ZFHX3: variants seen among roughly 807,000 people sequenced by gnomAD.
The protein encoded by ZFHX3 is zinc finger homeobox protein 3.
A neutral mutation model predicts 279.1 loss-of-function variants in ZFHX3; 42 were observed. The ratio of observed to expected loss-of-function variants is 0.15; its 90% CI spans 0.12 to 0.19. The LOEUF is 0.19. ZFHX3 is among the 10% of genes least tolerant of loss of function. The pLI, the probability that ZFHX3 is intolerant of heterozygous loss-of-function variation, is 1.00. For missense variants in ZFHX3, 4,981 were observed against 4,754.0 expected (o/e 1.05, Z -1.40); for synonymous variants, 2,293 against 1,957.8 (o/e 1.17, Z -4.52).
intron 2 of ZFHX3, among the ~76,000 whole-genome samples, chr16:73,578,729 T>C (rs1017805051): frequency 2.0e-5 from 3 of 152,216 alleles, no homozygotes; most frequent in Non-Finnish European, 4.4e-5. Flanking sequence ...TATTTTTATT[T>C]TTTTTATGAA....
intron 2 of ZFHX3, among the ~76,000 whole-genome samples, chr16:73,569,958 C>A (rs577699109): frequency 2.0e-4 from 30 of 152,268 alleles, no homozygotes; most frequent in Non-Finnish European, 2.5e-4. Flanking sequence ...AGGCAGAGGG[C>A]GTGAAGTCCT....
intron 8 of ZFHX3, among the ~76,000 whole-genome samples, chr16:73,083,072 G>A (rs1597150723): frequency 6.6e-6 from 1 of 151,826 alleles, no homozygotes; most frequent in Non-Finnish European, 1.5e-5. Context: ...GCTTGGTGGC[G>A]GGTGCCTGTA....
intron 1 of ZFHX3, among the ~76,000 whole-genome samples, chr16:73,032,954 G>T (rs193154421): frequency 7.9e-5 from 12 of 152,328 alleles, no homozygotes; most frequent in African/African-American, 2.9e-4. Context: ...AGGCAGGGCT[G>T]CGGCCAGACC....
chr16:73,184,894 G>A (rs1013574249), intron 5 of ZFHX3, among the ~76,000 whole-genome samples: 7 of 152,272 alleles, frequency 4.6e-5, no homozygotes, highest in South Asian at 2.1e-4. Flanking sequence ...ATTATCTCCC[G>A]TGTGTGAAAG....
At chr16:73,549,818 T>G (rs1423774870) in intron 2 of ZFHX3, among the ~76,000 whole-genome samples, 1 of 152,034 alleles carries the variant, frequency 6.6e-6, no homozygotes, top group Non-Finnish European at 1.5e-5. Flanking sequence ...TTCTTCTTCT[T>G]TCTTTCTTTT....
At chr16:73,685,709 T>C (rs1054181379) in intron 1 of ZFHX3, among the ~76,000 whole-genome samples, 2 of 152,226 alleles carry the variant, frequency 1.3e-5, no homozygotes. Flanking sequence ...GCCTATTATG[T>C]AATAATCAAC....
At position 72,794,799 on chromosome 16, in the gene ZFHX3, T is replaced by C. The variant is rs2035841346; in HGVS notation, c.7883A>G (p.Glu2628Gly). ...LEEKASASPG[E>G]NDSGTGGEEP... ...TTCTCCTCCTGTCCCACTGTCGTTT[T>C]CGCCAGGGCTTGCACTGGCCTTTTC... The change falls in exon 9 of 10, where the codon GAA becomes GGA. Residue 2628 changes from glutamate to glycine, a missense_variant. Transcript: ENST00000268489. This position sits in a 1 kb window ranked among gnomAD's most constrained non-coding sequence, Gnocchi z 4.2. 2.5e-6 allele frequency: 4 copies of C among 1,614,226 alleles called. No homozygotes were observed. Among genetic ancestry groups the C allele is most frequent in the Non-Finnish European group, 3.4e-6 (4 of 1,180,048 alleles).
chr16:73,223,055 T>A (rs1466186742), intron 5 of ZFHX3, among the ~76,000 whole-genome samples: 1 of 152,040 alleles, frequency 6.6e-6, no homozygotes, highest in Non-Finnish European at 1.5e-5. Flanking sequence ...CTTACACCCA[T>A]CACAAAAGTT....
Position 73,865,765 on chromosome 16 carries a change from G to T in ZFHX3, c.-1608+25886C>A, listed in dbSNP as rs150935188. Among the ~76,000 whole-genome samples, 897 of 151,782 alleles carry T rather than the reference G, an allele frequency of 5.9e-3. 7 individuals are homozygous for T. The highest frequency in any genetic ancestry group is 0.021 in the African/African-American group (855 of 41,318). The stretch of plus-strand genomic sequence containing the variant: ...GAGGCCCAGGCAGGCAGATCACAAG[G>T]TCAGGAGATCAAGACCATCCTGGCT... On this transcript the variant is annotated intron_variant, in intron 1 of 17. Coordinates refer to the ZFHX3 transcript ENST00000641206.
At chr16:73,802,566 A>G (rs985654158) in intron 1 of ZFHX3, among the ~76,000 whole-genome samples, 1 of 152,198 alleles carries the variant, frequency 6.6e-6, no homozygotes, top group African/African-American at 2.4e-5. Flanking sequence ...GAAAAGAATG[A>G]GAAAGGACAG....
At chr16:73,314,167 C>T (rs1421600752) in intron 4 of ZFHX3, among the ~76,000 whole-genome samples, 1 of 152,200 alleles carries the variant, frequency 6.6e-6, no homozygotes, top group Non-Finnish European at 1.5e-5. Context: ...CTCATCTAAT[C>T]AGTGGAAGGC....
At chr16:73,216,864 G>A (rs572808181) in intron 5 of ZFHX3, among the ~76,000 whole-genome samples, 1 of 152,114 alleles carries the variant, frequency 6.6e-6, no homozygotes, top group Non-Finnish European at 1.5e-5. Context: ...TCTAATTCAG[G>A]AGTTCAGCTT....
intron 2 of ZFHX3, among the ~76,000 whole-genome samples, chr16:73,559,052 G>C (rs2020331051): frequency 6.6e-6 from 1 of 151,682 alleles, no homozygotes; most frequent in South Asian, 2.1e-4. Context: ...TTTTGTGTGT[G>C]TGTGTGTGTG....
At chr16:73,501,012 C>T (rs1356256483) in intron 2 of ZFHX3, among the ~76,000 whole-genome samples, 2 of 152,242 alleles carry the variant, frequency 1.3e-5, no homozygotes, top group African/African-American at 2.4e-5. Context: ...TGCAAGCTCC[C>T]TTTATAGTAA....
intron 1 of ZFHX3, among the ~76,000 whole-genome samples, chr16:73,861,124 T>C (rs1410459103): frequency 6.6e-6 from 1 of 151,784 alleles, no homozygotes; most frequent in African/African-American, 2.4e-5. Context: ...CCACCACACC[T>C]GGATGGTTTT....
chr16:73,001,191 C>T lies in ZFHX3; in HGVS notation c.-49-40997G>A, dbSNP rs190480467. ...CCTCTCCCTTATGGAAGCCAAGTGC[C>T]CCATTGTGAGCTGCTCTGTGGTGAG... On this transcript the variant is annotated intron_variant, in intron 1 of 9. Transcript: ENST00000268489. Among the ~76,000 whole-genome samples the T allele has an allele frequency of 3.3e-4, 50 of 152,310 alleles. No individual in the cohort carries two copies. The South Asian group carries it at 5.8e-3, about 18-fold the overall frequency.
rs1261953494 is a variant in ZFHX3, at chr16:72,794,103, C to G, written c.8579G>C (p.Gly2860Ala). The change falls in exon 9 of 10, where the codon GGA (glycine) becomes GCA (alanine). Residue 2860 changes from glycine (G) to alanine (A), a missense_variant. By Grantham distance (60) the Gly-to-Ala change is moderately conservative. Around this residue, in one of 7 missense-constraint regions of ZFHX3, gnomAD observed 744 missense variants for 701.3 expected, o/e 1.06. Transcript: ENST00000268489. The surrounding 1 kb of genome is among the most constrained non-coding windows in gnomAD (Gnocchi z 4.2). ...AGAGGATTTGGTTTCAGTTGCTATT[C>G]CCGTTGCACTGTCGTTATCTGCGTT... The part of the protein sequence containing the change: ...EGNADNDSAT[G>A]IATETKSSSA... 1.2e-6 allele frequency: 2 copies of G among 1,614,088 alleles called. No homozygotes were observed. The highest frequency in any genetic ancestry group is 1.7e-6 in the Non-Finnish European group (2 of 1,180,054).
chr16:72,835,150 G>T (rs980098223), intron 4 of ZFHX3, among the ~76,000 whole-genome samples: 1 of 152,078 alleles, frequency 6.6e-6, no homozygotes, highest in East Asian at 1.9e-4. Flanking sequence ...TCTTTGGAGG[G>T]TGGGATGTTT....
chr16:73,341,815 G>A (rs1184164276), intron 3 of ZFHX3, among the ~76,000 whole-genome samples: 2 of 152,134 alleles, frequency 1.3e-5, no homozygotes, highest in East Asian at 1.9e-4. Context: ...AAAATATAAT[G>A]CTCAAGTAAA....
Sources: allele counts gnomAD v4.1 joint callset (sites outside exome capture counted in the v4.1 genomes callset), GRCh38; gene constraint gnomAD v4.1.1; regional missense constraint gnomAD v4.1.1; non-coding constraint Gnocchi (gnomAD v3.1); transcripts MANE v1.5; gene names NCBI Gene and HGNC (gene_info 2026-07-23, HGNC 2026-07-21).